PTGDR2: variants seen among roughly 807,000 people sequenced by gnomAD.
PTGDR2 encodes the protein prostaglandin D2 receptor 2.
For missense variants in PTGDR2, 544 were observed against 576.6 expected, an observed-to-expected ratio of 0.94 and a Z score of 0.58; for synonymous variants, 276 against 278.4, an observed-to-expected ratio of 0.99 and a Z score of 0.09.
chr11:60,854,568 G>A lies in PTGDR2; in HGVS notation c.-9-837C>T, dbSNP rs377168818. Among the ~76,000 whole-genome samples the A allele has an allele frequency of 2.4e-4, 37 of 152,314 alleles. No individual in the cohort carries two copies. The East Asian group carries it at 3.9e-3, about 16-fold the overall frequency. The stretch of plus-strand genomic sequence containing the variant: ...ATGCTTACATCCTCATTGAAAGCCC[G>A]AAAGACCATCTGATGTGAGGCTGGT... On this transcript the variant is annotated intron_variant, in intron 1 of 1. Coordinates refer to ENST00000332539, the MANE Select transcript of PTGDR2 (RefSeq NM_004778.3).
rs182034558 is a variant in PTGDR2 at position 60,852,361 on chromosome 11, T to G, written c.*174A>C. 22 of 482,586 alleles carry G rather than the reference T, an allele frequency of 4.6e-5. No homozygotes were observed. Among genetic ancestry groups the G allele is most frequent in the African/African-American group, 4.0e-4 (20 of 50,100 alleles). The allele number at this position is 482,586 out of a possible 1,614,324, so 29.9% of individuals were successfully genotyped here. ...ACATCAAGGTTTGAGAAGCACTGCTTTAACTCACTGTTTCTGAAAAAGATT... is the reference window on the plus strand; with the variant it reads ...ACATCAAGGTTTGAGAAGCACTGCTGTAACTCACTGTTTCTGAAAAAGATT... On this transcript the variant is annotated 3_prime_UTR_variant, in exon 2 of 2. Coordinates refer to ENST00000332539, the MANE Select transcript of PTGDR2 (RefSeq NM_004778.3).
chr11:60,852,742 C>T lies in PTGDR2; in HGVS notation c.981G>A (p.Leu327=), dbSNP rs558265772. The change falls in exon 2 of 2, where the codon CTG becomes CTA. Residue 327 remains leucine, a synonymous_variant. Transcript: ENST00000332539. The stretch of plus-strand genomic sequence containing the variant: ...CGCCACCCAGCTCGCTGTCGTCCAC[C>T]AGCACGCTCTCCAGCACCGTGCGCA... ...RSLRTVLESV[L]VDDSELGGAG... 9.4e-6 allele frequency: 14 copies of T among 1,493,634 alleles called. No individual in the cohort carries two copies. Among genetic ancestry groups the T allele is most frequent in the African/African-American group, 5.8e-5 (4 of 68,748 alleles). 92.5% of individuals were successfully genotyped at this position (1,493,634 alleles called of 1,614,324 possible). A position where few individuals can be genotyped will look rare whatever the true frequency, so the allele number is the denominator to read the frequency against.
At position 60,852,969 on chromosome 11, in the gene PTGDR2, C is replaced by T; in HGVS notation, c.754G>A (p.Val252Met). Reference sequence around the variant, plus strand: ...CCCCAGCAGAGCGCGAAGGCGGCCACGACGGCCGCCACCAGGCGCACGAAG... The same window carrying T: ...CCCCAGCAGAGCGCGAAGGCGGCCATGACGGCCGCCACCAGGCGCACGAAG... ...GRFVRLVAAV[V>M]AAFALCWGPY... Residue 252 changes from valine (V) to methionine (M), a missense_variant, in exon 2 of 2, where the codon GTG becomes ATG. Val to Met is a conservative substitution (Grantham distance 21). Coordinates refer to ENST00000332539, the MANE Select transcript of PTGDR2 (RefSeq NM_004778.3). 2.9e-6 allele frequency: 4 copies of T among 1,394,652 alleles called. No homozygotes were observed. The highest frequency in any genetic ancestry group is 3.7e-6 in the Non-Finnish European group (4 of 1,074,934). 86.4% of individuals were successfully genotyped at this position (1,394,652 alleles called of 1,614,324 possible).
intron 1 of PTGDR2, among the ~76,000 whole-genome samples, chr11:60,854,329 G>T (rs937309168): frequency 2.6e-4 from 39 of 152,226 alleles, no homozygotes; most frequent in African/African-American, 9.2e-4. Context: ...ATAAACAGTG[G>T]AACCAGCCCC....
In PTGDR2 at chr11:60,853,593, G is replaced by A. The variant is rs1354187287; in HGVS notation, c.130C>T (p.Leu44=). The change falls in exon 2 of 2, where the codon CTG becomes TTG. Residue 44 remains leucine (L), a synonymous_variant. Coordinates refer to ENST00000332539, the MANE Select transcript of PTGDR2 (RefSeq NM_004778.3). ...AAVLLHGLAS[L]LGLVENGVIL... ...ACTCCATTCTCCACCAGGCCCAGCA[G>A]CGAGGCCAGCCCGTGCAGCAGCACG... 1.3e-6 allele frequency: 2 copies of A among 1,555,956 alleles called. No homozygotes were observed. Among genetic ancestry groups the A allele is most frequent in the Non-Finnish European group, 1.7e-6 (2 of 1,149,316 alleles).
At position 60,853,657 on chromosome 11, in the gene PTGDR2, G is replaced by A. The variant is rs1565098595; in HGVS notation, c.66C>T (p.Ser22=). The change falls in exon 2 of 2, where the codon AGC becomes AGT. Residue 22 remains serine (S), a synonymous_variant. Transcript: ENST00000332539. ...TGTAGCGGATGCTGGTGTTGCTGTG[G>A]CTCTGGAGACGGCTCATCTGCTCCA... The part of the protein sequence containing the change: ...PILEQMSRLQ[S]HSNTSIRYID... 1 of 1,559,014 alleles carries A rather than the reference G, an allele frequency of 6.4e-7. No homozygotes were observed. The highest frequency in any genetic ancestry group is 8.7e-7 in the Non-Finnish European group (1 of 1,151,474).
rs1319614811 is a variant in PTGDR2, at chr11:60,851,801, AG to A, written c.*733del. 1.3e-5 allele frequency: 2 copies of A among 152,246 alleles called. No homozygotes were observed. The highest frequency in any genetic ancestry group is 4.8e-5 in the African/African-American group (2 of 41,452). 9.4% of individuals were successfully genotyped at this position (152,246 alleles called of 1,614,324 possible). ...GCATCTTAAGTCCCTCGAGTAGGTC[AG>A]AGAATGTCCTCGCTCACCAGAGAGT... On this transcript the variant is annotated 3_prime_UTR_variant, in exon 2 of 2. Coordinates refer to ENST00000332539, the MANE Select transcript of PTGDR2 (RefSeq NM_004778.3).
In PTGDR2 at chr11:60,853,712, T is replaced by TTGGCC. The variant is rs1455288947; in HGVS notation, c.6_10dup (p.Asn4ArgfsTer6). ...GGGGCAGAGTGGCTTCAGTGTGGCG[T>TTGGCC]TGGCCGACATCGTGGGGCTCTGCAG... On this transcript the variant is annotated frameshift_variant, in exon 2 of 2. Coordinates refer to ENST00000332539, the MANE Select transcript of PTGDR2 (RefSeq NM_004778.3). LOFTEE classifies it low-confidence loss of function (END_TRUNC). The TTGGCC allele has an allele frequency of 6.5e-7, 1 of 1,540,342 alleles. No homozygotes were observed. Among genetic ancestry groups the TTGGCC allele is most frequent in the Non-Finnish European group, 8.7e-7 (1 of 1,142,876 alleles).
Position 60,852,471 on chromosome 11 carries a change from G to A in PTGDR2, c.*64C>T. ...TCACTGCGGCAGGAGTCCGGATATC[G>A]AATTGAACCGCGGCACCCTGGTGAT... is the stretch of plus-strand genomic sequence containing the variant. On this transcript the variant is annotated 3_prime_UTR_variant, in exon 2 of 2. Coordinates refer to ENST00000332539, the MANE Select transcript of PTGDR2 (RefSeq NM_004778.3). 8.2e-7 allele frequency: 1 copy of A among 1,221,826 alleles called. No individual in the cohort carries two copies. Among genetic ancestry groups the A allele is most frequent in the Non-Finnish European group, 1.0e-6 (1 of 976,180 alleles). 75.7% of individuals were successfully genotyped at this position (1,221,826 alleles called of 1,614,324 possible).
At position 60,853,557 on chromosome 11, in the gene PTGDR2, C is replaced by T. The variant is rs1164278891; in HGVS notation, c.166G>A (p.Val56Met). The T allele has an allele frequency of 1.9e-6, 3 of 1,556,134 alleles. No individual in the cohort carries two copies. The highest frequency in any genetic ancestry group is 2.6e-6 in the Non-Finnish European group (3 of 1,149,556). Reference protein sequence around the residue: ...GLVENGVILFVVGCRMRQTVV... With the variant: ...GLVENGVILFMVGCRMRQTVV... ...GTCTGGCGCATGCGGCAGCCCACCA[C>T]GAAGAGGATGACTCCATTCTCCACC... is the stretch of plus-strand genomic sequence containing the variant. The change falls in exon 2 of 2, where the codon GTG becomes ATG. Residue 56 changes from valine to methionine, a missense_variant. Coordinates refer to ENST00000332539, the MANE Select transcript of PTGDR2 (RefSeq NM_004778.3).
chr11:60,851,717 C>G lies in PTGDR2; in HGVS notation c.*818G>C, dbSNP rs7944137. 6.6e-6 allele frequency: 1 copy of G among 152,286 alleles called. No individual in the cohort carries two copies. 9.4% of individuals were successfully genotyped at this position (152,286 alleles called of 1,614,324 possible). A position where few individuals can be genotyped will look rare whatever the true frequency, so the allele number is the denominator to read the frequency against. ...CCCAGGTTTCCCGAGTGCTTGACCA[C>G]GCCATCCCCTGCTGCTTCTGCCTTG... On this transcript the variant is annotated 3_prime_UTR_variant, in exon 2 of 2. Coordinates refer to ENST00000332539, the MANE Select transcript of PTGDR2 (RefSeq NM_004778.3).
chr11:60,853,168 A>T lies in PTGDR2; in HGVS notation c.555T>A (p.Asn185Lys), dbSNP rs886376440. Residue 185 changes from asparagine to lysine, a missense_variant, in exon 2 of 2, where the codon AAT becomes AAA. Coordinates refer to ENST00000332539, the MANE Select transcript of PTGDR2 (RefSeq NM_004778.3). The part of the protein sequence containing the change: ...RLDGRIMCYY[N>K]VLLLNPGPDR... ...CAGGCCCCGGGTTCAGGAGCAGCAC[A>T]TTGTAGTAGCACATAATGCGCCCGT... The T allele has an allele frequency of 8.1e-6, 13 of 1,609,630 alleles. No individual in the cohort carries two copies. Among genetic ancestry groups the T allele is most frequent in the Non-Finnish European group, 1.0e-5 (12 of 1,179,854 alleles).
chr11:60,855,435 A>G (rs41362351), intron 1 of PTGDR2, among the ~76,000 whole-genome samples: 17,027 of 149,930 alleles, frequency 0.11, 1,017 homozygotes, highest in South Asian at 0.19. Context: ...GACAGCCCCC[A>G]GCCTCCCAGG....
chr11:60,853,444 C>T lies in PTGDR2; in HGVS notation c.279G>A (p.Val93=), dbSNP rs747525774. Residue 93 remains valine (V), a synonymous_variant, in exon 2 of 2, where the codon GTG becomes GTA. Transcript: ENST00000332539. ...TGGTGCCCAGCTCCCACGAGTGGCCCACGGCCAAGAAGTAGGTGAAGAAGG... is the reference window on the plus strand; with the variant it reads ...TGGTGCCCAGCTCCCACGAGTGGCCTACGGCCAAGAAGTAGGTGAAGAAGG... ...SLPFFTYFLA[V]GHSWELGTTF... 5.7e-6 allele frequency: 9 copies of T among 1,571,556 alleles called. No homozygotes were observed. The highest frequency in any genetic ancestry group is 7.8e-6 in the Non-Finnish European group (9 of 1,158,104).
In PTGDR2 at chr11:60,852,761, GTGCGCAGCGAGCGCCGCAGCT is replaced by G. The variant is rs1855292255; in HGVS notation, c.941_961del (p.Lys314_Arg320del). 6.5e-7 allele frequency: 1 copy of G among 1,540,392 alleles called. No homozygotes were observed. The highest frequency in any genetic ancestry group is 8.7e-7 in the Non-Finnish European group (1 of 1,143,336). On this transcript the variant is annotated inframe_deletion, in exon 2 of 2. Coordinates refer to ENST00000332539, the MANE Select transcript of PTGDR2 (RefSeq NM_004778.3). ...GTCCACCAGCACGCTCTCCAGCACC[GTGCGCAGCGAGCGCCGCAGCT>G]TGCGCAGCATGTCGGGGCAGGTGAG...
chr11:60,854,964 T>G (rs1443620309), intron 1 of PTGDR2, among the ~76,000 whole-genome samples: 1 of 152,154 alleles, frequency 6.6e-6, no homozygotes, highest in African/African-American at 2.4e-5. Context: ...TCAGTACTCA[T>G]CTTTCTAGGG....
At chr11:60,854,595 A>G (rs1855331339) in intron 1 of PTGDR2, among the ~76,000 whole-genome samples, 1 of 152,252 alleles carries the variant, frequency 6.6e-6, no homozygotes, top group Non-Finnish European at 1.5e-5. Context: ...GAGGCTGGTC[A>G]AGACCAGTGA....
At position 60,852,192 on chromosome 11, in the gene PTGDR2, A is replaced by T. The variant is rs1855277638; in HGVS notation, c.*343T>A. On this transcript the variant is annotated 3_prime_UTR_variant, in exon 2 of 2. Coordinates refer to ENST00000332539, the MANE Select transcript of PTGDR2 (RefSeq NM_004778.3). The stretch of plus-strand genomic sequence containing the variant: ...GAGTGGGAAGTCTATTATGAGTTTC[A>T]CTTTGTGTTACTCCAGGCCTCGCCT... The T allele has an allele frequency of 1.8e-5, 5 of 272,220 alleles. No individual in the cohort carries two copies. Among genetic ancestry groups the T allele is most frequent in the East Asian group, 6.3e-5 (1 of 15,954 alleles). 16.9% of individuals were successfully genotyped at this position (272,220 alleles called of 1,614,324 possible).
rs983635490 is a variant in PTGDR2, at chr11:60,852,722, C to G, written c.1001G>C (p.Gly334Ala). Residue 334 changes from glycine (G) to alanine (A), a missense_variant, in exon 2 of 2, where the codon GGT becomes GCT. Coordinates refer to ENST00000332539, the MANE Select transcript of PTGDR2 (RefSeq NM_004778.3). ...GCGGCGGCGGCTGCTTCCCGCGCCACCCAGCTCGCTGTCGTCCACCAGCAC... is the reference window on the plus strand; with the variant it reads ...GCGGCGGCGGCTGCTTCCCGCGCCAGCCAGCTCGCTGTCGTCCACCAGCAC... ...ESVLVDDSEL[G>A]GAGSSRRRRT... 6.8e-7 allele frequency: 1 copy of G among 1,472,700 alleles called. No individual in the cohort carries two copies. Among genetic ancestry groups the G allele is most frequent in the South Asian group, 1.3e-5 (1 of 76,896 alleles). 91.2% of individuals were successfully genotyped at this position (1,472,700 alleles called of 1,614,324 possible). A position where few individuals can be genotyped will look rare whatever the true frequency, so the allele number is the denominator to read the frequency against.
Sources: gnomAD v4.1 joint callset for allele counts (sites outside exome capture counted in the v4.1 genomes callset) on GRCh38, gnomAD v4.1.1 for gene constraint, MANE v1.5 for transcripts, NCBI Gene and HGNC (gene_info 2026-07-23, HGNC 2026-07-21) for gene names.